The following ROBO2 variants were observed in gnomAD, a reference collection of about 807,000 sequenced individuals.
ROBO2 encodes roundabout guidance receptor 2, also known as roundabout homolog 2.
ROBO2 carries 53 observed loss-of-function variants against 160.8 expected under a neutral mutation model. The ratio of observed to expected loss-of-function variants is 0.33; its 90% CI spans 0.26 to 0.41. The LOEUF is 0.41. Among genes scored for constraint, ROBO2 ranks in the 10% least tolerant of loss-of-function variants. The probability of loss-of-function intolerance (pLI) is 1.00; values close to 1 mark genes in which losing one functional copy is unlikely to be tolerated. For missense variants in ROBO2, 1,577 were observed against 1,722.4 expected, an observed-to-expected ratio of 0.92 and a Z score of 1.49; for synonymous variants, 664 against 611.7, an observed-to-expected ratio of 1.09 and a Z score of -1.26.
intron 2 of ROBO2, among the ~76,000 whole-genome samples, chr3:76,831,306 C>A (rs760909726): frequency 2.6e-5 from 4 of 151,954 alleles, no homozygotes; most frequent in Non-Finnish European, 4.4e-5. Context: ...CAAAAATATG[C>A]GATTTTGTAA....
intron 2 of ROBO2, among the ~76,000 whole-genome samples, chr3:76,194,966 A>C (rs1702193442): frequency 6.6e-6 from 1 of 152,166 alleles, no homozygotes; most frequent in Non-Finnish European, 1.5e-5. Flanking sequence ...GCTAGCTGAC[A>C]TAAAAAGGAG....
chr3:76,513,512 C>A (rs369036081), intron 2 of ROBO2, among the ~76,000 whole-genome samples: 1 of 152,120 alleles, frequency 6.6e-6, no homozygotes, highest in Non-Finnish European at 1.5e-5. Context: ...CACACCACCA[C>A]GCCTGGCGTG....
chr3:76,068,862 G>A (rs1036357931), intron 2 of ROBO2, among the ~76,000 whole-genome samples: 1 of 152,080 alleles, frequency 6.6e-6, no homozygotes, highest in Non-Finnish European at 1.5e-5. Context: ...TTTGACATAG[G>A]TAATCATTGA....
At chr3:76,766,707 G>A (rs1344835223) in intron 2 of ROBO2, among the ~76,000 whole-genome samples, 1 of 151,578 alleles carries the variant, frequency 6.6e-6, no homozygotes, top group South Asian at 2.1e-4. Context: ...AAAGTTGGGG[G>A]TGGAGTGCTA....
At chr3:77,077,795 T>C (rs2068169396) in intron 1 of ROBO2, among the ~76,000 whole-genome samples, 4 of 152,206 alleles carry the variant, frequency 2.6e-5, no homozygotes, top group Non-Finnish European at 5.9e-5. Context: ...ATAGGAGTCT[T>C]GGAGTGTACT....
chr3:77,523,740 A>G (rs1223160183), intron 6 of ROBO2, among the ~76,000 whole-genome samples: 1 of 151,348 alleles, frequency 6.6e-6, no homozygotes, highest in African/African-American at 2.4e-5. Context: ...CTACACTCCT[A>G]GAAAATCAAA....
intron 2 of ROBO2, among the ~76,000 whole-genome samples, chr3:77,356,703 T>G (rs1179420117): frequency 2.0e-5 from 3 of 152,170 alleles, no homozygotes; most frequent in Non-Finnish European, 4.4e-5. Flanking sequence ...ATGCAAGGAA[T>G]GATACCATAC....
At chr3:76,304,967 C>T (rs1369594796) in intron 2 of ROBO2, among the ~76,000 whole-genome samples, 1 of 151,844 alleles carries the variant, frequency 6.6e-6, no homozygotes, top group Non-Finnish European at 1.5e-5. Context: ...AGATGAGTTA[C>T]TCTCTGTGGG....
At chr3:76,287,286 C>CT (rs796956602) in intron 2 of ROBO2, among the ~76,000 whole-genome samples, 10 of 149,410 alleles carry the variant, frequency 6.7e-5, no homozygotes, top group Admixed American at 4.0e-4. Flanking sequence ...TCCTTTCTTT[C>CT]TTTTTTTTCT....
At chr3:77,459,371 G>A (rs1042767449) in intron 2 of ROBO2, among the ~76,000 whole-genome samples, 1 of 152,036 alleles carries the variant, frequency 6.6e-6, no homozygotes, top group Admixed American at 6.6e-5. Flanking sequence ...AACTATATCC[G>A]GTTTAGTAAT....
chr3:77,407,254 A>G (rs1289466014), intron 2 of ROBO2, among the ~76,000 whole-genome samples: 1 of 152,212 alleles, frequency 6.6e-6, no homozygotes, highest in African/African-American at 2.4e-5. Flanking sequence ...TGGTGGATTA[A>G]AAGAAAGTCA....
intron 2 of ROBO2, among the ~76,000 whole-genome samples, chr3:75,966,057 G>T (rs1949098433): frequency 6.6e-6 from 1 of 151,542 alleles, no homozygotes; most frequent in African/African-American, 2.4e-5. Flanking sequence ...TTCTGCGAGA[G>T]GTCACAAGCA....
At chr3:76,813,014 C>T (rs1456194577) in intron 2 of ROBO2, among the ~76,000 whole-genome samples, 3 of 137,200 alleles carry the variant, frequency 2.2e-5, no homozygotes, top group African/African-American at 8.1e-5. Flanking sequence ...ATAAATACAT[C>T]TTATTGTTTG....
chr3:76,516,166 T>C (rs1161532820), intron 2 of ROBO2, among the ~76,000 whole-genome samples: 5 of 152,170 alleles, frequency 3.3e-5, no homozygotes, highest in Non-Finnish European at 5.9e-5. Flanking sequence ...TTTGTTACAA[T>C]CTTGATTTTG....
chr3:76,199,434 A>G (rs922287328), intron 2 of ROBO2, among the ~76,000 whole-genome samples: 1 of 152,152 alleles, frequency 6.6e-6, no homozygotes, highest in African/African-American at 2.4e-5. Flanking sequence ...GAGCTTCCAG[A>G]AAGGAATGCA....
At chr3:77,413,507 T>C (rs1360955027) in intron 2 of ROBO2, among the ~76,000 whole-genome samples, 1 of 152,184 alleles carries the variant, frequency 6.6e-6, no homozygotes, top group Non-Finnish European at 1.5e-5. Context: ...TTGTTTTGTT[T>C]TGAAGAAGAA....
At chr3:76,906,669 A>G (rs994334815) in intron 2 of ROBO2, among the ~76,000 whole-genome samples, 2 of 152,110 alleles carry the variant, frequency 1.3e-5, no homozygotes, top group Admixed American at 6.6e-5. Context: ...TGCTCAGGAC[A>G]CAGAAAGTAA....
chr3:77,178,078 A>T (rs905626562), intron 2 of ROBO2, among the ~76,000 whole-genome samples: 1 of 151,984 alleles, frequency 6.6e-6, no homozygotes, highest in Non-Finnish European at 1.5e-5. Context: ...ATTGAAGGCA[A>T]ATCTATAAAC....
At chr3:76,757,795 A>T (rs1473692488) in intron 2 of ROBO2, among the ~76,000 whole-genome samples, 1 of 151,820 alleles carries the variant, frequency 6.6e-6, no homozygotes, top group African/African-American at 2.4e-5. Flanking sequence ...CACAGAGTTC[A>T]CTCAGAAGAG....
Sources: allele counts gnomAD v4.1 joint callset (sites outside exome capture counted in the v4.1 genomes callset), GRCh38; gene constraint gnomAD v4.1.1; transcripts MANE v1.5; gene names NCBI Gene and HGNC (gene_info 2026-07-23, HGNC 2026-07-21).